DDX42: variants seen among roughly 807,000 people sequenced by gnomAD.
The protein encoded by DDX42 is ATP-dependent RNA helicase DDX42.
DDX42 carries 22 observed loss-of-function variants against 101.5 expected under a neutral mutation model. The ratio of observed to expected loss-of-function variants is 0.22; its 90% CI spans 0.15 to 0.31. DDX42 has a LOEUF of 0.31. Ranked by LOEUF, DDX42 falls within the 10% of genes least tolerant of loss-of-function variation. The pLI is 1.00. For synonymous variants in DDX42, 402 were observed against 401.2 expected, an observed-to-expected ratio of 1.00 and a Z score of -0.02; for missense variants, 849 against 1,199.9, an observed-to-expected ratio of 0.71 and a Z score of 4.32.
At position 63,798,282 on chromosome 17, in the gene DDX42, A is replaced by G. The variant is rs564006609; in HGVS notation, c.434+183A>G. ...GGCAACAGTCTTTGCATTTGCAATA[A>G]TTAAAAAGCATTCAGTTTGGTAGAA... On this transcript the variant is annotated intron_variant, in intron 4 of 17. Coordinates refer to ENST00000389924, the MANE Select transcript of DDX42 (RefSeq NM_203499.3). The G allele has an allele frequency of 1.8e-5, 9 of 506,454 alleles. No homozygotes were observed. The South Asian group carries it at 2.6e-4, about 14-fold the overall frequency. 31.4% of individuals were successfully genotyped at this position (506,454 alleles called of 1,614,324 possible). A position where few individuals can be genotyped will look rare whatever the true frequency, so the allele number is the denominator to read the frequency against.
chr17:63,800,501 A>G lies in DDX42; in HGVS notation c.505A>G (p.Thr169Ala), dbSNP rs1393008772. 1.2e-6 allele frequency: 2 copies of G among 1,614,008 alleles called. No individual in the cohort carries two copies. Among genetic ancestry groups the G allele is most frequent in the South Asian group, 1.1e-5 (1 of 91,064 alleles). ...AYFRYMAENP[T>A]AGVVQEEEED... ...TTTTCGATACATGGCAGAAAACCCA[A>G]CTGCTGGTGTGGTTCAGGAGGAAGA... is the stretch of plus-strand genomic sequence containing the variant. The change falls in exon 6 of 18, where the codon ACT (threonine) becomes GCT (alanine). Residue 169 changes from threonine to alanine, a missense_variant. Around this residue, in one of 5 missense-constraint regions of DDX42, gnomAD observed 370 missense variants for 608.8 expected, o/e 0.61. Coordinates refer to ENST00000389924, the MANE Select transcript of DDX42 (RefSeq NM_203499.3).
chr17:63,806,690 G>T, intron 8 of DDX42, 36 bp downstream of exon 8: 2 of 1,583,874 alleles, frequency 1.3e-6, no homozygotes, highest in Non-Finnish European at 1.7e-6. Context: ...ATAAAGTAGG[G>T]TAGTCTTTCA....
intron 4 of DDX42, among the ~76,000 whole-genome samples, chr17:63,799,214 A>G (rs1001298182): frequency 2.6e-5 from 4 of 152,214 alleles, no homozygotes; most frequent in African/African-American, 9.6e-5. Flanking sequence ...TATATGCCAA[A>G]TACAAGATTT....
rs1270525010 is a variant in DDX42 at position 63,811,152 on chromosome 17, G to A, written c.1377G>A (p.Val459=). 1.9e-6 allele frequency: 3 copies of A among 1,613,820 alleles called. No homozygotes were observed. The highest frequency in any genetic ancestry group is 4.5e-5 in the East Asian group (2 of 44,886). Residue 459 remains valine, a synonymous_variant, in exon 13 of 18, where the codon GTG becomes GTA. Coordinates refer to ENST00000389924, the MANE Select transcript of DDX42 (RefSeq NM_203499.3). ...ARDILIDPIR[V]VQGDIGEANE... is the part of the protein sequence containing the mutation. ...ACATCCTGATCGACCCTATTCGAGT[G>A]GTGCAGGGAGATATTGGAGAGGTAA...
At chr17:63,810,995 A>G in intron 12 of DDX42, 81 bp from the exon 13 acceptor site, 1 of 1,175,706 alleles carries the variant, frequency 8.5e-7, no homozygotes, top group Non-Finnish European at 1.2e-6. Context: ...AAACTGAATA[A>G]TCCTGAATGC....
At chr17:63,812,917 TG>T (rs2039929625) in intron 14 of DDX42, among the ~76,000 whole-genome samples, 1 of 152,006 alleles carries the variant, frequency 6.6e-6, no homozygotes, top group Admixed American at 6.6e-5. Flanking sequence ...CCCAGCTACT[TG>T]GAAAGCTGAG....
chr17:63,816,810 A>G (rs766310041), intron 16 of DDX42, 58 bp from the exon 17 acceptor site: 29 of 1,409,718 alleles, frequency 2.1e-5, no homozygotes, highest in Middle Eastern at 1.8e-4. Flanking sequence ...GGCCTAGTCT[A>G]TAGCAGTGAG....
intron 15 of DDX42, among the ~76,000 whole-genome samples, chr17:63,813,844 C>A (rs1045546488): frequency 6.6e-6 from 1 of 151,686 alleles, no homozygotes; most frequent in Non-Finnish European, 1.5e-5. Flanking sequence ...AGTGCCCCCC[C>A]ACCTTTTTTT....
In DDX42 at chr17:63,792,611, C is replaced by T. The variant is rs746442920; in HGVS notation, c.372+49C>T. The T allele has an allele frequency of 4.5e-6, 7 of 1,545,880 alleles. No individual in the cohort carries two copies. The Admixed American group carries it at 5.9e-5, about 13-fold the overall frequency. ...AAATATTTAGCAGTTAGAAATAGATCAAGTTAACTTAGTACTTCAAATCTT... is the reference window on the plus strand; with the variant it reads ...AAATATTTAGCAGTTAGAAATAGATTAAGTTAACTTAGTACTTCAAATCTT... On this transcript the variant is annotated intron_variant, in intron 3 of 17. Coordinates refer to ENST00000389924, the MANE Select transcript of DDX42 (RefSeq NM_203499.3).
At chr17:63,812,726 C>G (rs948020371) in intron 14 of DDX42, among the ~76,000 whole-genome samples, 1 of 151,976 alleles carries the variant, frequency 6.6e-6, no homozygotes, top group African/African-American at 2.4e-5. Flanking sequence ...ATTACTGATG[C>G]AAAAGATAAA....
intron 4 of DDX42, 145 bp downstream of exon 4, chr17:63,798,244 T>TA: frequency 1.5e-6 from 1 of 666,364 alleles, no homozygotes; most frequent in Non-Finnish European, 2.5e-6. Flanking sequence ...TTGAATACTT[T>TA]AAGAATAGAG....
chr17:63,774,111 C>T, upstream of DDX42: 1 of 236,256 alleles, frequency 4.2e-6, no homozygotes. Context: ...CTTCCGGGAG[C>T]CGTAGCCCCG....
intron 9 of DDX42, 50 bp downstream of exon 9, chr17:63,807,950 A>T: frequency 6.5e-7 from 1 of 1,539,866 alleles, no homozygotes; most frequent in Non-Finnish European, 8.8e-7. Context: ...CTAGCAAGGG[A>T]CCAGCCAGTC....
At chr17:63,802,905 C>T (rs1398426405) in intron 6 of DDX42, among the ~76,000 whole-genome samples, 1 of 94,306 alleles carries the variant, frequency 1.1e-5, no homozygotes, top group Non-Finnish European at 2.0e-5. Flanking sequence ...AACAACACTC[C>T]ATCTCAAAAA....
rs773294172 is a variant in DDX42, at chr17:63,776,633, C to CTT, written c.-17+2272_-17+2273dup. On this transcript the variant is annotated intron_variant, in intron 1 of 17. Coordinates refer to ENST00000389924, the MANE Select transcript of DDX42 (RefSeq NM_203499.3). ...CTCTTGAGATAGGTGATAGTCTCAT[C>CTT]TTTTTTTTTTTTTTTTGAGATGGTG... 2.7e-3 allele frequency among the ~76,000 whole-genome samples: 384 copies of CTT among 139,834 alleles called. 5 individuals are homozygous for CTT. The highest frequency in any genetic ancestry group is 0.014 in the East Asian group (68 of 4,876). The allele number at this position is 139,834 out of a possible 152,430, so 91.7% of individuals were successfully genotyped here. A position where few individuals can be genotyped will look rare whatever the true frequency, so the allele number is the denominator to read the frequency against.
At chr17:63,812,727 A>T (rs2039926930) in intron 14 of DDX42, among the ~76,000 whole-genome samples, 1 of 152,140 alleles carries the variant, frequency 6.6e-6, no homozygotes, top group South Asian at 2.1e-4. Context: ...TTACTGATGC[A>T]AAAGATAAAA....
In DDX42 at chr17:63,809,007, T is replaced by A. The variant is rs16947104; in HGVS notation, c.1152+59T>A. The A allele has an allele frequency of 3.6e-5, 58 of 1,589,442 alleles. No individual in the cohort carries two copies. In the African/African-American group the frequency reaches 7.4e-4, roughly 20 times the overall value. The stretch of plus-strand genomic sequence containing the variant: ...CCTCCCTCGGTATGGAAAACATGAT[T>A]AGTTTTGCAGAGAATTTCCCCTAAA... On this transcript the variant is annotated intron_variant, in intron 10 of 17. Coordinates refer to ENST00000389924, the MANE Select transcript of DDX42 (RefSeq NM_203499.3).
intron 1 of DDX42, among the ~76,000 whole-genome samples, chr17:63,786,441 T>G (rs1297832058): frequency 6.6e-6 from 1 of 152,178 alleles, no homozygotes; most frequent in East Asian, 1.9e-4. Context: ...TCTTTTTTAA[T>G]GTAAAAAGAG....
intron 9 of DDX42, 55 bp downstream of exon 9, chr17:63,807,955 C>A: frequency 6.6e-7 from 1 of 1,525,330 alleles, no homozygotes; most frequent in Non-Finnish European, 8.8e-7. Context: ...AAGGGACCAG[C>A]CAGTCAAGTG....
Sources: gnomAD v4.1 joint callset for allele counts (sites outside exome capture counted in the v4.1 genomes callset) on GRCh38, gnomAD v4.1.1 for gene constraint, gnomAD v4.1.1 regional missense constraint, MANE v1.5 for transcripts, NCBI Gene and HGNC (gene_info 2026-07-23, HGNC 2026-07-21) for gene names.